The following ZAR1L variants were observed in gnomAD, a reference collection of about 807,000 sequenced individuals.
ZAR1L encodes the protein zygote arrest 1 like.
ZAR1L carries 16 observed loss-of-function variants against 30.0 expected under a neutral mutation model. The ratio of observed to expected loss-of-function variants is 0.53; its 90% CI spans 0.36 to 0.81. The LOEUF is 0.81. Ranked by LOEUF, ZAR1L falls within the 30% of genes least tolerant of loss-of-function variation. ZAR1L has a pLI of 0.00. For missense variants in ZAR1L, 392 were observed against 417.2 expected, an observed-to-expected ratio of 0.94 and a Z score of 0.53; for synonymous variants, 197 against 166.8, an observed-to-expected ratio of 1.18 and a Z score of -1.40.
intron 2 of ZAR1L, among the ~76,000 whole-genome samples, 162 bp from the exon 3 acceptor site, chr13:32,312,255 A>C (rs2072219120): frequency 6.6e-6 from 1 of 152,198 alleles, no homozygotes; most frequent in South Asian, 2.1e-4. Flanking sequence ...ATTAATTCAT[A>C]TATTCCTGTA....
chr13:32,315,037 G>A (rs911650983), intron 1 of ZAR1L, among the ~76,000 whole-genome samples: 1 of 151,996 alleles, frequency 6.6e-6, no homozygotes, highest in African/African-American at 2.4e-5. Flanking sequence ...TAACAGCCCC[G>A]CCCACTACCA....
intron 5 of ZAR1L, 84 bp downstream of exon 5, chr13:32,308,602 C>A: frequency 9.9e-7 from 1 of 1,009,212 alleles, no homozygotes; most frequent in Non-Finnish European, 1.5e-6. Flanking sequence ...CAATATCCAA[C>A]TCTATCAAAT....
chr13:32,310,595 G>A lies in ZAR1L; in HGVS notation c.747+44C>T, dbSNP rs542973676. 4.6e-6 allele frequency: 6 copies of A among 1,305,154 alleles called. No homozygotes were observed. The African/African-American group carries it at 5.9e-5, about 13-fold the overall frequency. 80.8% of individuals were successfully genotyped at this position (1,305,154 alleles called of 1,614,324 possible). A position where few individuals can be genotyped will look rare whatever the true frequency, so the allele number is the denominator to read the frequency against. The stretch of plus-strand genomic sequence containing the variant: ...TCAGATTCTTCCCCGCTTACCATCC[G>A]TGCCCACCCCATCCTCCTCTCACCT... On this transcript the variant is annotated intron_variant, in intron 4 of 5. Coordinates refer to ENST00000533490, the MANE Select transcript of ZAR1L (RefSeq NM_001136571.2).
intron 4 of ZAR1L, among the ~76,000 whole-genome samples, chr13:32,309,585 C>A (rs920554646): frequency 4.6e-5 from 7 of 152,216 alleles, no homozygotes; most frequent in African/African-American, 1.7e-4. Context: ...CCTGCTTGGA[C>A]ATCAAGCTGT....
Position 32,311,366 on chromosome 13 carries a change from G to A in ZAR1L, c.560C>T (p.Ser187Leu), listed in dbSNP as rs986517504. Residue 187 changes from serine to leucine, a missense_variant, in exon 3 of 6, where the codon TCG becomes TTG. By Grantham distance (145) the Ser-to-Leu change is moderately radical. Transcript: ENST00000533490. ...AGGGCACGGGGCGTCTTTCTCCCCC[G>A]ATTCCTCCAGCTGCCCGGGCTCCTC... ...RQEEPGQLEE[S>L]GEKDAPCPQE... 2 of 1,550,848 alleles carry A rather than the reference G, an allele frequency of 1.3e-6. No homozygotes were observed. The highest frequency in any genetic ancestry group is 3.9e-5 in the Admixed American group (2 of 51,012).
Position 32,303,853 on chromosome 13 carries a change from G to T in ZAR1L, c.*26C>A, listed in dbSNP as rs1265516322. 1 of 1,547,164 alleles carries T rather than the reference G, an allele frequency of 6.5e-7. No homozygotes were observed. The highest frequency in any genetic ancestry group is 1.2e-5 in the South Asian group (1 of 83,318). ...AGTAAGTTACAAGAAGAGCTCAGGGGTCCATTACAAGTCACACTGTACAAG... is the reference window on the plus strand; with the variant it reads ...AGTAAGTTACAAGAAGAGCTCAGGGTTCCATTACAAGTCACACTGTACAAG... On this transcript the variant is annotated 3_prime_UTR_variant, in exon 6 of 6. Transcript: ENST00000533490.
In ZAR1L at chr13:32,311,478, C is replaced by G. The variant is rs769802253; in HGVS notation, c.448G>C (p.Asp150His). The change falls in exon 3 of 6, where the codon GAC becomes CAC. Residue 150 changes from aspartate (D) to histidine (H), a missense_variant. Coordinates refer to ENST00000533490, the MANE Select transcript of ZAR1L (RefSeq NM_001136571.2). ...GGGAGCGCCTTGCTCTCCGCTTCGT[C>G]CCCATCTCTCCGCAGGCGGATCAAG... ...RGLIRLRRDG[D>H]EAESKALPGP... 1 of 1,546,096 alleles carries G rather than the reference C, an allele frequency of 6.5e-7. No homozygotes were observed. The highest frequency in any genetic ancestry group is 8.7e-7 in the Non-Finnish European group (1 of 1,146,580).
intron 5 of ZAR1L, among the ~76,000 whole-genome samples, chr13:32,304,273 A>G (rs1226830761): frequency 6.6e-6 from 1 of 152,242 alleles, no homozygotes; most frequent in Non-Finnish European, 1.5e-5. Flanking sequence ...AACATAATGT[A>G]AAAGGAATTT....
At chr13:32,306,319 C>T (rs1322589685) in intron 5 of ZAR1L, among the ~76,000 whole-genome samples, 2 of 152,122 alleles carry the variant, frequency 1.3e-5, no homozygotes, top group African/African-American at 4.8e-5. Context: ...GCAGAAGTAA[C>T]ATTTGAAAAG....
chr13:32,311,390 TCCTG>T lies in ZAR1L; in HGVS notation c.532_535del (p.Gln178ArgfsTer90). Reference sequence around the variant, plus strand: ...CGATTCCTCCAGCTGCCCGGGCTCCTCCTGCCTGTCAGCTCCTGACCTCCGTGAT... The same window carrying T: ...CGATTCCTCCAGCTGCCCGGGCTCCTCCTGTCAGCTCCTGACCTCCGTGAT... On this transcript the variant is annotated frameshift_variant, in exon 3 of 6. Transcript: ENST00000533490. LOFTEE classifies it high-confidence loss of function. 6.4e-7 allele frequency: 1 copy of T among 1,550,664 alleles called. No homozygotes were observed. Among genetic ancestry groups the T allele is most frequent in the Non-Finnish European group, 8.7e-7 (1 of 1,146,966 alleles).
chr13:32,310,658 C>A lies in ZAR1L; in HGVS notation c.728G>T (p.Cys243Phe). ...KTRWESAYVW[C>F]ISGTNKVYFK... ...ATTTACCTTGTTCGTTCCAGAAATG[C>A]ACCACACGTAAGCACTCTCCCACCT... The change falls in exon 4 of 6, where the codon TGC (cysteine) becomes TTC (phenylalanine). Residue 243 changes from cysteine to phenylalanine, a missense_variant. Physicochemically the swap from Cys to Phe is radical, Grantham distance 205. Coordinates refer to ENST00000533490, the MANE Select transcript of ZAR1L (RefSeq NM_001136571.2). 2.6e-6 allele frequency: 4 copies of A among 1,551,458 alleles called. No individual in the cohort carries two copies. The highest frequency in any genetic ancestry group is 3.5e-6 in the Non-Finnish European group (4 of 1,146,634).
At chr13:32,306,829 G>A (rs1170420951) in intron 5 of ZAR1L, among the ~76,000 whole-genome samples, 1 of 151,048 alleles carries the variant, frequency 6.6e-6, no homozygotes, top group African/African-American at 2.4e-5. Flanking sequence ...TACTAGGGAG[G>A]CTGAGGCAGG....
intron 5 of ZAR1L, among the ~76,000 whole-genome samples, chr13:32,306,930 CA>C (rs369500221): frequency 0.35 from 19,931 of 56,846 alleles, 1,257 homozygotes; most frequent in South Asian, 0.44. Flanking sequence ...GACTCTATCT[CA>C]AAAAAAAAAA....
At chr13:32,305,371 C>T (rs868699847) in intron 5 of ZAR1L, among the ~76,000 whole-genome samples, 4 of 151,904 alleles carry the variant, frequency 2.6e-5, no homozygotes, top group Non-Finnish European at 4.4e-5. Flanking sequence ...GGACTACAGG[C>T]GCCTGCCACT....
In ZAR1L at chr13:32,311,606, A is replaced by G; in HGVS notation, c.320T>C (p.Leu107Pro). 1 of 1,549,158 alleles carries G rather than the reference A, an allele frequency of 6.5e-7. No individual in the cohort carries two copies. The highest frequency in any genetic ancestry group is 2.4e-5 in the East Asian group (1 of 40,882). Reference protein sequence around the residue: ...PRVDKAVQCSLGPRTLSSCSP... With the variant: ...PRVDKAVQCSPGPRTLSSCSP... ...GCAGCTGCTGAGGGTGCGAGGCCCC[A>G]GAGAGCACTGCACAGCCTTGTCCAC... is the stretch of plus-strand genomic sequence containing the variant. The change falls in exon 3 of 6, where the codon CTG becomes CCG. Residue 107 changes from leucine (L) to proline (P), a missense_variant. By Grantham distance (98) the Leu-to-Pro change is moderately conservative. Transcript: ENST00000533490.
In ZAR1L at chr13:32,303,955, C is replaced by T. The variant is rs2072156824; in HGVS notation, c.890G>A (p.Arg297Gln). 2 of 1,552,012 alleles carry T rather than the reference C, an allele frequency of 1.3e-6. No individual in the cohort carries two copies. Among genetic ancestry groups the T allele is most frequent in the Non-Finnish European group, 8.7e-7 (1 of 1,147,078 alleles). ...TTTGCAGCGACCACACAGTTCCTGT[C>T]GATGAGGCCTCCTTAGATCAATGTG... ...KRHIDLRRPHRQELCGRCKDK... is the reference protein window; with the variant it reads ...KRHIDLRRPHQQELCGRCKDK... The change falls in exon 6 of 6, where the codon CGA becomes CAA. Residue 297 changes from arginine (R) to glutamine (Q), a missense_variant. Arg to Gln is a conservative substitution (Grantham distance 43). Coordinates refer to ENST00000533490, the MANE Select transcript of ZAR1L (RefSeq NM_001136571.2).
chr13:32,313,385 A>G (rs2072227610), intron 2 of ZAR1L, among the ~76,000 whole-genome samples: 1 of 152,224 alleles, frequency 6.6e-6, no homozygotes, highest in Non-Finnish European at 1.5e-5. Flanking sequence ...CTTGTTTGAA[A>G]TGGAGTTTCC....
Position 32,311,544 on chromosome 13 carries a change from G to T in ZAR1L, c.382C>A (p.Pro128Thr), listed in dbSNP as rs1268201629. 6.5e-7 allele frequency: 1 copy of T among 1,534,508 alleles called. No homozygotes were observed. Among genetic ancestry groups the T allele is most frequent in the Non-Finnish European group, 8.8e-7 (1 of 1,139,572 alleles). ...GCGGGCGAAGTGACCCCACAGGCTG[G>T]CAGGGGCTCCTGGGGGTCTCTGCCG... ...WDGRDPQEPL[P>T]ACGVTSPATG... The change falls in exon 3 of 6, where the codon CCA (proline) becomes ACA (threonine). Residue 128 changes from proline to threonine, a missense_variant. Pro to Thr is a conservative substitution (Grantham distance 38). Coordinates refer to ENST00000533490, the MANE Select transcript of ZAR1L (RefSeq NM_001136571.2).
intron 2 of ZAR1L, among the ~76,000 whole-genome samples, chr13:32,312,767 A>G (rs1170579510): frequency 6.6e-6 from 1 of 152,106 alleles, no homozygotes; most frequent in Non-Finnish European, 1.5e-5. Flanking sequence ...AATCCCAGCT[A>G]CTCGGGAGGC....
Sources: allele counts gnomAD v4.1 joint callset (sites outside exome capture counted in the v4.1 genomes callset), GRCh38; gene constraint gnomAD v4.1.1; transcripts MANE v1.5; gene names NCBI Gene and HGNC (gene_info 2026-07-23, HGNC 2026-07-21).